The following GRIN2B variants were observed in gnomAD, a reference collection of about 807,000 sequenced individuals.
The protein encoded by GRIN2B is glutamate receptor ionotropic, NMDA 2B.
A neutral mutation model predicts 114.5 loss-of-function variants in GRIN2B; 5 were observed. The ratio of observed to expected loss-of-function variants is 0.04; its 90% CI spans 0.02 to 0.09. The LOEUF is 0.09. Among genes scored for constraint, GRIN2B ranks in the 10% least tolerant of loss-of-function variants. The pLI is 1.00. For missense variants in GRIN2B, 1,108 were observed against 1,943.5 expected (o/e 0.57, Z 8.08); for synonymous variants, 787 against 745.1 (o/e 1.06, Z -0.92).
chr12:13,732,592 G>A (rs1271714849), intron 4 of GRIN2B, among the ~76,000 whole-genome samples: 1 of 152,182 alleles, frequency 6.6e-6, no homozygotes, highest in Non-Finnish European at 1.5e-5. Flanking sequence ...TGTGAGACAT[G>A]TAATCATATT....
Position 13,609,772 on chromosome 12 carries a change from CA to C in GRIN2B, c.1781-941del, listed in dbSNP as rs35580358. ...TGGGCAACAGAGCAAGACTCTGTCT[CA>C]AAAAAAAAAAAAAAAGAATATCAGG... On this transcript the variant is annotated intron_variant, in intron 9 of 13. Coordinates refer to ENST00000609686, the MANE Select transcript of GRIN2B (RefSeq NM_000834.5). Among the ~76,000 whole-genome samples the C allele has an allele frequency of 3.3e-3, 364 of 110,232 alleles. 1 individual carries two copies. The highest frequency in any genetic ancestry group is 7.9e-3 in the South Asian group (26 of 3,286). The allele number at this position is 110,232 out of a possible 152,430, so 72.3% of individuals were successfully genotyped here.
intron 10 of GRIN2B, among the ~76,000 whole-genome samples, chr12:13,595,668 T>A (rs1317150599): frequency 6.6e-6 from 1 of 152,036 alleles, no homozygotes; most frequent in African/African-American, 2.4e-5. Context: ...TTAAAACAAT[T>A]CCTCTAGCAG....
chr12:13,591,707 T>G (rs1207403129), intron 10 of GRIN2B, among the ~76,000 whole-genome samples: 1 of 152,202 alleles, frequency 6.6e-6, no homozygotes, highest in Non-Finnish European at 1.5e-5. Flanking sequence ...TGTGGTTTCA[T>G]GTGATTACCA....
In GRIN2B at chr12:13,547,102, TTAGA is replaced by T. The variant is rs1352220710; in HGVS notation, c.*15677_*15680del. 6.6e-6 allele frequency: 1 copy of T among 152,096 alleles called. No individual in the cohort carries two copies. Among genetic ancestry groups the T allele is most frequent in the African/African-American group, 2.4e-5 (1 of 41,402 alleles). The allele number at this position is 152,096 out of a possible 1,614,324, so 9.4% of individuals were successfully genotyped here. On this transcript the variant is annotated 3_prime_UTR_variant, in exon 14 of 14. Transcript: ENST00000609686. ...GGGTTTCTTTTAACAGTCTGATAGT[TTAGA>T]TAAGAATACAGTTTAAGGGATATAT... is the stretch of plus-strand genomic sequence containing the variant.
intron 4 of GRIN2B, among the ~76,000 whole-genome samples, chr12:13,748,856 A>C (rs1223915058): frequency 6.6e-6 from 1 of 152,264 alleles, no homozygotes; most frequent in Non-Finnish European, 1.5e-5. Context: ...TCAGATAAAT[A>C]ACAAATATTC....
In GRIN2B at chr12:13,563,025, A is replaced by C. The variant is rs748303077; in HGVS notation, c.4213T>G (p.Phe1405Val). 1.9e-6 allele frequency: 3 copies of C among 1,613,990 alleles called. No homozygotes were observed. The highest frequency in any genetic ancestry group is 2.5e-6 in the Non-Finnish European group (3 of 1,179,856). ...QCLLHGSKSYFFRQPTVAGAS... is the reference protein window; with the variant it reads ...QCLLHGSKSYVFRQPTVAGAS... ...CCCGCCACCGTGGGCTGCCTGAAGA[A>C]GTAGGATTTGCTGCCATGGAGCAAG... The change falls in exon 14 of 14, where the codon TTC becomes GTC. Residue 1405 changes from phenylalanine to valine, a missense_variant. By Grantham distance (50) the Phe-to-Val change is conservative. Around this residue, in one of 19 missense-constraint regions of GRIN2B, gnomAD observed 478 missense variants for 506.0 expected, o/e 0.94. Transcript: ENST00000609686.
rs181389224 is a variant in GRIN2B at position 13,932,623 on chromosome 12, G to C, written c.-19+47305C>G. 3.3e-3 allele frequency among the ~76,000 whole-genome samples: 508 copies of C among 152,338 alleles called. 2 individuals are homozygous for C. Among genetic ancestry groups the C allele is most frequent in the Middle Eastern group, 0.02 (6 of 294 alleles). ...GGAACATGAAGGAGAAGTCCTGAGA[G>C]AGAGAACACAGAGAGGCCTTTCTAT... is the stretch of plus-strand genomic sequence containing the variant. On this transcript the variant is annotated intron_variant, in intron 2 of 13. Coordinates refer to ENST00000609686, the MANE Select transcript of GRIN2B (RefSeq NM_000834.5).
chr12:13,662,679 C>T (rs959211294), intron 5 of GRIN2B, among the ~76,000 whole-genome samples: 7 of 152,034 alleles, frequency 4.6e-5, no homozygotes, highest in African/African-American at 1.2e-4. Context: ...AGTAGGGGCT[C>T]GGGAAAATAT....
intron 2 of GRIN2B, among the ~76,000 whole-genome samples, chr12:13,912,584 C>T (rs1055191511): frequency 1.3e-5 from 2 of 151,934 alleles, no homozygotes; most frequent in Admixed American, 1.3e-4. Flanking sequence ...GCGGATGTAG[C>T]CTTGCTCTGT....
chr12:13,584,192 A>T (rs757208454), intron 10 of GRIN2B, among the ~76,000 whole-genome samples: 27 of 152,168 alleles, frequency 1.8e-4, no homozygotes, highest in Admixed American at 9.8e-4. Flanking sequence ...TCTAAAACTC[A>T]CCAGGCAAGC....
chr12:13,658,406 A>G (rs1949888645), intron 5 of GRIN2B, among the ~76,000 whole-genome samples: 2 of 152,180 alleles, frequency 1.3e-5, no homozygotes, highest in African/African-American at 4.8e-5. Flanking sequence ...CACAAATAAC[A>G]AAATATCGTT....
chr12:13,626,683 C>A lies in GRIN2B; in HGVS notation c.1126-10026G>T, dbSNP rs118047020. On this transcript the variant is annotated intron_variant, in intron 5 of 13. Transcript: ENST00000609686. The stretch of plus-strand genomic sequence containing the variant: ...CAGAAATGCCCAATTTGAATCCTTG[C>A]TTTTCCATCATTGGTTGCATGTGAT... Among the ~76,000 whole-genome samples the A allele has an allele frequency of 1.9e-3, 294 of 152,172 alleles. 2 individuals are homozygous for A. Among genetic ancestry groups the A allele is most frequent in the South Asian group, 5.2e-3 (25 of 4,810 alleles).
At chr12:13,640,502 AT>A (rs1949705357) in intron 5 of GRIN2B, among the ~76,000 whole-genome samples, 1 of 152,084 alleles carries the variant, frequency 6.6e-6, no homozygotes, top group Non-Finnish European at 1.5e-5. Flanking sequence ...CTGGCTCAGC[AT>A]CCAATTCATT....
At chr12:13,679,150 T>C (rs1249204245) in intron 4 of GRIN2B, among the ~76,000 whole-genome samples, 1 of 152,134 alleles carries the variant, frequency 6.6e-6, no homozygotes, top group East Asian at 1.9e-4. Context: ...CACCTTGTTA[T>C]CAGACACTGT....
intron 3 of GRIN2B, among the ~76,000 whole-genome samples, chr12:13,817,220 G>A (rs1000080396): frequency 6.6e-6 from 1 of 152,078 alleles, no homozygotes; most frequent in Non-Finnish European, 1.5e-5. Context: ...TGTAGCCCTC[G>A]TGCCTCCTTC....
chr12:13,777,883 T>A (rs1864033669), intron 3 of GRIN2B, among the ~76,000 whole-genome samples: 1 of 152,230 alleles, frequency 6.6e-6, no homozygotes, highest in South Asian at 2.1e-4. Flanking sequence ...TTTTACAATA[T>A]CTGTGGTCTA....
At chr12:13,874,745 G>A (rs1865969350) in intron 2 of GRIN2B, among the ~76,000 whole-genome samples, 1 of 152,182 alleles carries the variant, frequency 6.6e-6, no homozygotes, top group Non-Finnish European at 1.5e-5. Context: ...TTAAGAGGGG[G>A]ACGGGCAGTG....
At chr12:13,980,501 T>C (rs1249177504) in intron 1 of GRIN2B, 145 bp from the exon 2 acceptor site, 1 of 152,108 alleles carries the variant, frequency 6.6e-6, no homozygotes, top group Non-Finnish European at 1.5e-5. Flanking sequence ...ACGAGAGGAA[T>C]TGAAAACAGC....
intron 4 of GRIN2B, among the ~76,000 whole-genome samples, chr12:13,710,979 A>G (rs1950409157): frequency 6.6e-6 from 1 of 152,136 alleles, no homozygotes; most frequent in South Asian, 2.1e-4. Flanking sequence ...TTCAAACTAT[A>G]CTACAAGGCC....
Sources: gnomAD v4.1 joint callset for allele counts (sites outside exome capture counted in the v4.1 genomes callset) on GRCh38, gnomAD v4.1.1 for gene constraint, gnomAD v4.1.1 regional missense constraint, MANE v1.5 for transcripts, NCBI Gene and HGNC (gene_info 2026-07-23, HGNC 2026-07-21) for gene names.